DPP10: variants seen among roughly 807,000 people sequenced by gnomAD.
DPP10 encodes the protein dipeptidyl peptidase like 10, also known as inactive dipeptidyl peptidase 10.
Under a neutral mutation model 120.9 loss-of-function variants are expected in DPP10, and 33 were observed. That is an observed-to-expected ratio of 0.27 (90% confidence interval 0.21 to 0.37). The LOEUF (loss-of-function observed/expected upper bound fraction) is 0.37, where lower values mean the gene tolerates loss of function less well. DPP10 is among the 10% of genes least tolerant of loss of function. The probability of loss-of-function intolerance (pLI) is 1.00; values close to 1 mark genes in which losing one functional copy is unlikely to be tolerated. For missense variants in DPP10, 816 were observed against 942.8 expected (o/e 0.87, Z 1.76); for synonymous variants, 337 against 326.1 (o/e 1.03, Z -0.36).
At chr2:114,524,014 G>GC (rs1467779968) in intron 1 of DPP10, among the ~76,000 whole-genome samples, 4 of 152,226 alleles carry the variant, frequency 2.6e-5, no homozygotes, top group African/African-American at 9.7e-5. Flanking sequence ...GTACTAGGGA[G>GC]CACCCAAATC....
rs114056434 is a variant in DPP10, at chr2:114,528,178, G to T, written c.60+85340G>T. On this transcript the variant is annotated intron_variant, in intron 1 of 25. Transcript: ENST00000410059. ...CTCCCATACACACTGCAAGCACAGG[G>T]CACTGCAAGAAGCTGTGGTTACAGA... is the stretch of plus-strand genomic sequence containing the variant. 2.2e-4 allele frequency among the ~76,000 whole-genome samples: 34 copies of T among 152,266 alleles called. No homozygotes were observed. The East Asian group carries it at 5.4e-3, about 24-fold the overall frequency.
intron 1 of DPP10, among the ~76,000 whole-genome samples, chr2:115,298,360 CA>C (rs1483518211): frequency 6.6e-6 from 1 of 152,032 alleles, no homozygotes; most frequent in Non-Finnish European, 1.5e-5. Flanking sequence ...TATTAAAATG[CA>C]GGTGTACTGA....
chr2:115,303,025 A>G (rs2061210255), intron 1 of DPP10, among the ~76,000 whole-genome samples: 1 of 152,000 alleles, frequency 6.6e-6, no homozygotes, highest in Non-Finnish European at 1.5e-5. Context: ...GTAGGAAACC[A>G]TGACTGTTTC....
chr2:115,790,823 T>C (rs1356588319), intron 17 of DPP10, among the ~76,000 whole-genome samples: 1 of 152,214 alleles, frequency 6.6e-6, no homozygotes, highest in Non-Finnish European at 1.5e-5. Flanking sequence ...TAAAATATTC[T>C]TAAGCAGGTT....
At chr2:114,983,993 T>G (rs1039584633) in intron 1 of DPP10, among the ~76,000 whole-genome samples, 14 of 152,208 alleles carry the variant, frequency 9.2e-5, no homozygotes, top group African/African-American at 3.1e-4. Context: ...TGCTGTTGGA[T>G]GATTGAAATG....
intron 3 of DPP10, among the ~76,000 whole-genome samples, chr2:115,368,484 C>G (rs1204293430): frequency 6.6e-6 from 1 of 152,048 alleles, no homozygotes; most frequent in Non-Finnish European, 1.5e-5. Context: ...TAGTCATCAT[C>G]TTTTCCCAAT....
In DPP10 at chr2:115,206,171, T is replaced by C. The variant is rs139757222; in HGVS notation, c.61-103068T>C. Among the ~76,000 whole-genome samples the C allele has an allele frequency of 4.8e-3, 737 of 152,318 alleles. 6 individuals are homozygous for C. Among genetic ancestry groups the C allele is most frequent in the African/African-American group, 0.016 (650 of 41,580 alleles). On this transcript the variant is annotated intron_variant, in intron 1 of 25. Coordinates refer to ENST00000410059, the MANE Select transcript of DPP10 (RefSeq NM_020868.6). Reference sequence around the variant, plus strand: ...ATCTGTTTTATGAACATACACCTATTTCCTTACGGACTATGAGGACAAGAA... The same window carrying C: ...ATCTGTTTTATGAACATACACCTATCTCCTTACGGACTATGAGGACAAGAA...
At chr2:114,882,993 T>C (rs1691770658) in intron 1 of DPP10, among the ~76,000 whole-genome samples, 1 of 152,170 alleles carries the variant, frequency 6.6e-6, no homozygotes, top group Admixed American at 6.5e-5. Context: ...CATTCTTACA[T>C]CCATTCTGAG....
At chr2:115,066,956 G>A (rs1438595889) in intron 1 of DPP10, 2 of 152,124 alleles carry the variant, frequency 1.3e-5, no homozygotes, top group Non-Finnish European at 2.9e-5. Context: ...TAAATGTTAA[G>A]TATACGGTAC....
In DPP10 at chr2:114,816,085, A is replaced by ACTTTATT. The variant is rs1685619934; in HGVS notation, c.60+373247_60+373248insCTTTATT. ...TCACTCCCCGTGTAGAATAAAATGC[A>ACTTTATT]GTCTGCTTATTACAGTCTTGACCAT... On this transcript the variant is annotated intron_variant, in intron 1 of 25. Transcript: ENST00000410059. Among the ~76,000 whole-genome samples, 3 of 152,294 alleles carry ACTTTATT rather than the reference A, an allele frequency of 2.0e-5. No homozygotes were observed. The South Asian group carries it at 6.2e-4, about 32-fold the overall frequency.
intron 1 of DPP10, among the ~76,000 whole-genome samples, chr2:114,683,511 C>T (rs1229484608): frequency 6.8e-6 from 1 of 146,836 alleles, no homozygotes; most frequent in South Asian, 2.1e-4. Context: ...CTTTCCTTCC[C>T]TCTCCCTTCC....
chr2:115,502,081 T>A (rs1363669258), intron 4 of DPP10, among the ~76,000 whole-genome samples: 4 of 152,188 alleles, frequency 2.6e-5, no homozygotes, highest in Middle Eastern at 3.4e-3. Flanking sequence ...TGCTAAAATA[T>A]GACTACAAAT....
At chr2:114,628,170 G>A (rs768844520) in intron 1 of DPP10, among the ~76,000 whole-genome samples, 2 of 151,972 alleles carry the variant, frequency 1.3e-5, no homozygotes, top group Non-Finnish European at 2.9e-5. Flanking sequence ...TCTTATACTG[G>A]GCCTTGAATT....
intron 3 of DPP10, among the ~76,000 whole-genome samples, chr2:115,498,004 T>C (rs538833358): frequency 6.6e-6 from 1 of 151,964 alleles, no homozygotes; most frequent in Non-Finnish European, 1.5e-5. Context: ...CAGAAGGTGA[T>C]ACAGGCCTTA....
intron 1 of DPP10, among the ~76,000 whole-genome samples, chr2:114,952,177 T>A (rs1697842659): frequency 6.6e-6 from 1 of 151,986 alleles, no homozygotes; most frequent in African/African-American, 2.4e-5. Context: ...AATTAATAAA[T>A]GTGTATTGTG....
chr2:115,138,841 C>T (rs2050778007), intron 1 of DPP10, among the ~76,000 whole-genome samples: 1 of 152,116 alleles, frequency 6.6e-6, no homozygotes, highest in South Asian at 2.1e-4. Flanking sequence ...ATTTAAGCTC[C>T]ATGACTTAGT....
intron 19 of DPP10, among the ~76,000 whole-genome samples, chr2:115,794,432 G>C (rs1222983913): frequency 1.3e-5 from 2 of 152,112 alleles, no homozygotes; most frequent in Non-Finnish European, 2.9e-5. Context: ...GACCTCCCTT[G>C]CTTGGTCATA....
At chr2:115,700,775 A>G (rs1028967534) in intron 7 of DPP10, among the ~76,000 whole-genome samples, 1 of 152,170 alleles carries the variant, frequency 6.6e-6, no homozygotes, top group African/African-American at 2.4e-5. Flanking sequence ...AATCATATAC[A>G]TTTGTAAGTC....
rs182117117 is a variant in DPP10, at chr2:115,303,489, C to A, written c.61-5750C>A. ...TACTTTTAAAAAAACTCCTCTGATT[C>A]CTTTTTCATTCTAGATTTTGTATAG... On this transcript the variant is annotated intron_variant, in intron 1 of 25. Transcript: ENST00000410059. Among the ~76,000 whole-genome samples, 14 of 151,942 alleles carry A rather than the reference C, an allele frequency of 9.2e-5. No homozygotes were observed. The East Asian group carries it at 2.7e-3, about 30-fold the overall frequency.
Sources: allele counts gnomAD v4.1 joint callset (sites outside exome capture counted in the v4.1 genomes callset), GRCh38; gene constraint gnomAD v4.1.1; transcripts MANE v1.5; gene names NCBI Gene and HGNC (gene_info 2026-07-23, HGNC 2026-07-21).